MAML3: variants seen among roughly 807,000 people sequenced by gnomAD.
MAML3 encodes mastermind-like protein 3.
MAML3 carries 27 observed loss-of-function variants against 101.9 expected under a neutral mutation model. The ratio of observed to expected loss-of-function variants is 0.27; its 90% confidence interval spans 0.20 to 0.37. The LOEUF (loss-of-function observed/expected upper bound fraction) is 0.37, where lower values mean the gene tolerates loss of function less well. MAML3 is among the 10% of genes least tolerant of loss of function. The probability of loss-of-function intolerance (pLI) is 1.00; values close to 1 mark genes in which losing one functional copy is unlikely to be tolerated. For synonymous variants in MAML3, 501 were observed against 555.9 expected (o/e 0.90, Z 1.39); for missense variants, 1,316 against 1,444.9 (o/e 0.91, Z 1.45).
At chr4:139,998,704 T>A (rs567387231) in intron 1 of MAML3, among the ~76,000 whole-genome samples, 14 of 152,288 alleles carry the variant, frequency 9.2e-5, no homozygotes, top group African/African-American at 2.9e-4. Context: ...CAATTCTGGA[T>A]TCTGGTATTT....
chr4:139,741,212 TCTC>T (rs1462414276), intron 2 of MAML3, among the ~76,000 whole-genome samples: 2 of 152,008 alleles, frequency 1.3e-5, no homozygotes, highest in East Asian at 3.9e-4. Context: ...GATTGGTACT[TCTC>T]CTTATGTAAA....
chr4:139,989,882 C>CACACAGAGAG (rs1385720650), intron 1 of MAML3, among the ~76,000 whole-genome samples: 4 of 63,134 alleles, frequency 6.3e-5, no homozygotes, highest in South Asian at 4.4e-4. Context: ...CACACACACA[C>CACACAGAGAG]AGAGAGAGAG....
At chr4:140,099,947 T>G (rs1027907244) in intron 1 of MAML3, among the ~76,000 whole-genome samples, 4 of 152,274 alleles carry the variant, frequency 2.6e-5, no homozygotes, top group Admixed American at 6.5e-5. Context: ...AATCCTCCTA[T>G]GGTGATAACA....
chr4:139,865,914 C>G (rs964139040), intron 2 of MAML3, among the ~76,000 whole-genome samples: 13 of 152,248 alleles, frequency 8.5e-5, no homozygotes, highest in Non-Finnish European at 1.3e-4. Context: ...AATTTCAAGT[C>G]TGTTTTCCCA....
At chr4:139,798,348 G>A (rs1027277850) in intron 2 of MAML3, among the ~76,000 whole-genome samples, 3 of 152,136 alleles carry the variant, frequency 2.0e-5, no homozygotes, top group Admixed American at 6.5e-5. Flanking sequence ...TTAAATGGTC[G>A]AACTCAACCC....
At chr4:140,032,076 T>G (rs1211173395) in intron 1 of MAML3, among the ~76,000 whole-genome samples, 1 of 152,230 alleles carries the variant, frequency 6.6e-6, no homozygotes. Context: ...TTAACTCTAC[T>G]TAGCCTTAAA....
chr4:139,919,108 G>GA (rs1351942386), intron 1 of MAML3, among the ~76,000 whole-genome samples: 1 of 152,068 alleles, frequency 6.6e-6, no homozygotes, highest in Non-Finnish European at 1.5e-5. Flanking sequence ...AGGGCTCTCA[G>GA]AAAAAATATT....
intron 2 of MAML3, among the ~76,000 whole-genome samples, chr4:139,744,689 C>G (rs1729266765): frequency 6.6e-6 from 1 of 152,212 alleles, no homozygotes; most frequent in Admixed American, 6.5e-5. Flanking sequence ...CTCTCAGACT[C>G]TCACTGCAGT....
intron 1 of MAML3, among the ~76,000 whole-genome samples, chr4:139,938,525 CA>C (rs1733547111): frequency 6.6e-6 from 1 of 152,142 alleles, no homozygotes; most frequent in Non-Finnish European, 1.5e-5. Flanking sequence ...ACGATGTCAG[CA>C]CATAACATAT....
chr4:140,144,645 A>G (rs1036977025), intron 1 of MAML3, among the ~76,000 whole-genome samples: 2 of 152,144 alleles, frequency 1.3e-5, no homozygotes, highest in Admixed American at 6.5e-5. Flanking sequence ...TTTCAGGAAC[A>G]TGATTTGCTT....
chr4:140,060,724 GAT>G (rs1310901609), intron 1 of MAML3, among the ~76,000 whole-genome samples: 1 of 152,142 alleles, frequency 6.6e-6, no homozygotes, highest in Non-Finnish European at 1.5e-5. Flanking sequence ...TATTATAAAT[GAT>G]ATTCTGATGC....
chr4:139,917,856 G>A (rs778780397), intron 1 of MAML3, among the ~76,000 whole-genome samples: 9 of 152,068 alleles, frequency 5.9e-5, no homozygotes, highest in South Asian at 2.1e-4. Context: ...TCCATGATCC[G>A]TCTATTAAGG....
At chr4:139,839,088 G>A (rs1731313143) in intron 2 of MAML3, among the ~76,000 whole-genome samples, 1 of 152,130 alleles carries the variant, frequency 6.6e-6, no homozygotes, top group South Asian at 2.1e-4. Flanking sequence ...TTGAAGCCAG[G>A]TGGCTTGCAC....
At chr4:139,991,645 T>A (rs1370554590) in intron 1 of MAML3, among the ~76,000 whole-genome samples, 1 of 152,176 alleles carries the variant, frequency 6.6e-6, no homozygotes, top group Non-Finnish European at 1.5e-5. Context: ...GCCAATAGAT[T>A]TTCTTTTGAA....
At chr4:139,832,159 C>T (rs1226972198) in intron 2 of MAML3, among the ~76,000 whole-genome samples, 2 of 127,276 alleles carry the variant, frequency 1.6e-5, no homozygotes, top group East Asian at 2.8e-4. Flanking sequence ...GGCTGGAGTG[C>T]GGTGGGGCCA....
At chr4:139,790,867 A>T (rs1047180357) in intron 2 of MAML3, among the ~76,000 whole-genome samples, 2 of 152,188 alleles carry the variant, frequency 1.3e-5, no homozygotes, top group Non-Finnish European at 2.9e-5. Flanking sequence ...CTTTATATTA[A>T]AATCACCTTA....
At chr4:139,768,706 G>C (rs1729914088) in intron 2 of MAML3, among the ~76,000 whole-genome samples, 1 of 152,200 alleles carries the variant, frequency 6.6e-6, no homozygotes, top group African/African-American at 2.4e-5. Context: ...TGGTGGGCCA[G>C]GGCAGAGACC....
intron 1 of MAML3, among the ~76,000 whole-genome samples, chr4:139,959,589 G>A (rs1005221031): frequency 1.3e-4 from 20 of 152,168 alleles, no homozygotes; most frequent in African/African-American, 4.3e-4. Flanking sequence ...AGCCTTTTCC[G>A]CCTCAGCGAG....
intron 1 of MAML3, among the ~76,000 whole-genome samples, chr4:139,926,678 A>AT (rs1733269836): frequency 6.6e-6 from 1 of 152,242 alleles, no homozygotes; most frequent in African/African-American, 2.4e-5. Context: ...AAAGCCTCTA[A>AT]TTTTTTTAAA....
Sources: gnomAD v4.1 joint callset for allele counts (sites outside exome capture counted in the v4.1 genomes callset) on GRCh38, gnomAD v4.1.1 for gene constraint, MANE v1.5 for transcripts, NCBI Gene and HGNC (gene_info 2026-07-23, HGNC 2026-07-21) for gene names.